FMN1: variants seen among roughly 807,000 people sequenced by gnomAD.
The protein encoded by FMN1 is formin-1.
In FMN1, 110 loss-of-function variants were observed where a neutral mutation model predicts 132.4. That is an observed-to-expected ratio of 0.83 (90% confidence interval 0.71 to 0.97). The LOEUF (loss-of-function observed/expected upper bound fraction) is 0.97. Among genes scored for constraint, FMN1 ranks in the 50% least tolerant of loss-of-function variants. The probability of loss-of-function intolerance (pLI) is 0.00; values close to 1 mark genes in which losing one functional copy is unlikely to be tolerated. For missense variants in FMN1, 1,792 were observed against 1,705.3 expected (o/e 1.05, Z -0.90); for synonymous variants, 722 against 651.7 (o/e 1.11, Z -1.64).
At chr15:32,930,276 C>T (rs1261208822) in intron 9 of FMN1, among the ~76,000 whole-genome samples, 1 of 152,008 alleles carries the variant, frequency 6.6e-6, no homozygotes, top group African/African-American at 2.4e-5. Context: ...CGTGAGCCAC[C>T]GTCCCTGGTC....
chr15:32,882,207 C>G (rs556156241), intron 16 of FMN1, among the ~76,000 whole-genome samples: 2 of 152,272 alleles, frequency 1.3e-5, no homozygotes, highest in African/African-American at 4.8e-5. Context: ...CAAACTTTAT[C>G]ATTCTGGATC....
rs1470579738 is a variant in FMN1 at position 32,765,669 on chromosome 15, G to A, written c.*8641C>T. The A allele has an allele frequency of 1.3e-5, 2 of 152,072 alleles. No individual in the cohort carries two copies. The highest frequency in any genetic ancestry group is 4.8e-5 in the African/African-American group (2 of 41,400). The allele number at this position is 152,072 out of a possible 1,614,324, so 9.4% of individuals were successfully genotyped here. On this transcript the variant is annotated 3_prime_UTR_variant, in exon 21 of 21. Transcript: ENST00000616417. ...AAACAAATTAACAGAGGTATCAACA[G>A]ATTAGGATAAATATAATCTATCACA...
chr15:33,109,553 G>A (rs2039617061), intron 4 of FMN1, among the ~76,000 whole-genome samples: 1 of 152,080 alleles, frequency 6.6e-6, no homozygotes, highest in South Asian at 2.1e-4. Context: ...CATGGATGGA[G>A]CTGGAGGCTA....
intron 5 of FMN1, among the ~76,000 whole-genome samples, chr15:33,075,132 T>A (rs1324135882): frequency 6.6e-6 from 1 of 151,200 alleles, no homozygotes; most frequent in Non-Finnish European, 1.5e-5. Context: ...AAGCTCCCTG[T>A]GCTGCAGCTC....
At chr15:32,800,652 C>G (rs537992843) in intron 18 of FMN1, among the ~76,000 whole-genome samples, 75 of 152,318 alleles carry the variant, frequency 4.9e-4, no homozygotes, top group African/African-American at 1.7e-3. Flanking sequence ...CCCAAATTAT[C>G]ATTTTATAGG....
intron 4 of FMN1, among the ~76,000 whole-genome samples, chr15:33,098,085 G>C (rs1008541102): frequency 6.6e-6 from 1 of 152,190 alleles, no homozygotes; most frequent in East Asian, 1.9e-4. Flanking sequence ...ATTAGGTACT[G>C]ATAACAGAAA....
At chr15:32,908,386 T>C (rs774742430) in intron 12 of FMN1, 104 bp downstream of exon 12, 8 of 731,212 alleles carry the variant, frequency 1.1e-5, no homozygotes, top group Admixed American at 4.6e-5. Flanking sequence ...TGTTGTGATT[T>C]AGCTGGCTGC....
intron 5 of FMN1, among the ~76,000 whole-genome samples, chr15:33,077,828 G>A (rs542168468): frequency 6.7e-6 from 1 of 149,684 alleles, no homozygotes; most frequent in South Asian, 2.1e-4. Context: ...GTGGGCAAAG[G>A]ATATGAACAG....
At chr15:33,180,780 A>C (rs1595607917) in intron 2 of FMN1, among the ~76,000 whole-genome samples, 5 of 117,044 alleles carry the variant, frequency 4.3e-5, no homozygotes, top group African/African-American at 1.4e-4. Flanking sequence ...ACAGAGTCTC[A>C]CTCTGGTTGC....
At chr15:32,882,448 T>C (rs1334716001) in intron 16 of FMN1, among the ~76,000 whole-genome samples, 1 of 152,188 alleles carries the variant, frequency 6.6e-6, no homozygotes, top group African/African-American at 2.4e-5. Flanking sequence ...TTGTCATTAG[T>C]GATGGTGGAA....
chr15:32,975,816 A>G (rs564505805), intron 7 of FMN1, among the ~76,000 whole-genome samples: 28 of 152,188 alleles, frequency 1.8e-4, no homozygotes. Flanking sequence ...TAGGAATTGG[A>G]CTCTAGCAAC....
chr15:32,915,091 G>C (rs2060652611), intron 10 of FMN1, among the ~76,000 whole-genome samples: 1 of 152,192 alleles, frequency 6.6e-6, no homozygotes, highest in South Asian at 2.1e-4. Context: ...AACTTATGGA[G>C]ATTAAATTAG....
At chr15:33,119,190 T>C (rs1393717128) in intron 4 of FMN1, among the ~76,000 whole-genome samples, 1 of 152,168 alleles carries the variant, frequency 6.6e-6, no homozygotes, top group Non-Finnish European at 1.5e-5. Flanking sequence ...CTATGTTCAA[T>C]GAACACCCTT....
intron 4 of FMN1, chr15:33,150,472 G>A (rs1419253799): frequency 5.1e-6 from 5 of 985,304 alleles, no homozygotes; most frequent in Non-Finnish European, 6.0e-6. Flanking sequence ...TGATAATGGA[G>A]ATTCCCATGC....
chr15:33,128,700 G>T (rs553096578), intron 4 of FMN1, among the ~76,000 whole-genome samples: 10 of 152,204 alleles, frequency 6.6e-5, no homozygotes, highest in African/African-American at 2.4e-4. Flanking sequence ...GAATAAACCC[G>T]CGGACCCTCA....
At chr15:32,971,692 T>G (rs2031808284) in intron 7 of FMN1, among the ~76,000 whole-genome samples, 1 of 152,228 alleles carries the variant, frequency 6.6e-6, no homozygotes, top group Non-Finnish European at 1.5e-5. Context: ...CAAGAAGCAG[T>G]AATTTTACTC....
Position 32,791,341 on chromosome 15 carries a change from T to C in FMN1, c.4130+7463A>G, listed in dbSNP as rs1372928366. On this transcript the variant is annotated intron_variant, in intron 19 of 20. Coordinates refer to ENST00000616417, the MANE Select transcript of FMN1 (RefSeq NM_001277313.2). ...CATTGAAAATTCATTTACTCTCTCA[T>C]GCTTAGCTGTGAAATAGCAATAAAC... 2.7e-5 allele frequency among the ~76,000 whole-genome samples: 4 copies of C among 146,558 alleles called. 1 individual carries two copies. Among genetic ancestry groups the C allele is most frequent in the African/African-American group, 7.6e-5 (3 of 39,462 alleles).
At chr15:33,018,134 A>G (rs1206940682) in intron 6 of FMN1, among the ~76,000 whole-genome samples, 1 of 151,966 alleles carries the variant, frequency 6.6e-6, no homozygotes, top group African/African-American at 2.4e-5. Context: ...TAGGAGATGG[A>G]GCCTTTGGGA....
chr15:32,977,253 T>C (rs2032284031), intron 7 of FMN1, among the ~76,000 whole-genome samples: 1 of 152,184 alleles, frequency 6.6e-6, no homozygotes, highest in African/African-American at 2.4e-5. Flanking sequence ...AAATCGCCAA[T>C]AAGAGATAGA....
Sources: gnomAD v4.1 joint callset for allele counts (sites outside exome capture counted in the v4.1 genomes callset) on GRCh38, gnomAD v4.1.1 for gene constraint, MANE v1.5 for transcripts, NCBI Gene and HGNC (gene_info 2026-07-23, HGNC 2026-07-21) for gene names.